Variants in MARCHF4 observed in about 807,000 individuals in gnomAD.
The protein encoded by MARCHF4 is membrane associated ring-CH-type finger 4.
In MARCHF4, 14 loss-of-function variants were observed where a neutral mutation model predicts 43.9. That is an observed-to-expected ratio of 0.32 (90% CI 0.21 to 0.50). MARCHF4 has a LOEUF of 0.50. Among genes scored for constraint, MARCHF4 ranks in the 20% least tolerant of loss-of-function variants. The pLI is 0.98. For synonymous variants in MARCHF4, 226 were observed against 213.3 expected, an observed-to-expected ratio of 1.06 and a Z score of -0.52; for missense variants, 468 against 536.7, an observed-to-expected ratio of 0.87 and a Z score of 1.27.
intron 3 of MARCHF4, among the ~76,000 whole-genome samples, chr2:216,266,784 C>G (rs1452188818): frequency 6.6e-6 from 1 of 152,104 alleles, no homozygotes; most frequent in African/African-American, 2.4e-5. Context: ...ATATAACCGG[C>G]TATTTTGGGT....
In MARCHF4 at chr2:216,297,636, C is replaced by T. The variant is rs568766755; in HGVS notation, c.517-13907G>A. 2.0e-5 allele frequency among the ~76,000 whole-genome samples: 3 copies of T among 152,344 alleles called. No homozygotes were observed. The South Asian group carries it at 6.2e-4, about 32-fold the overall frequency. On this transcript the variant is annotated intron_variant, in intron 1 of 3. Transcript: ENST00000273067. ...TCAAGCAATTCTTTTGCCTTAGCCTCCCACGTAGCTGGGATTACAGGCATG... is the reference window on the plus strand; with the variant it reads ...TCAAGCAATTCTTTTGCCTTAGCCTTCCACGTAGCTGGGATTACAGGCATG...
chr2:216,315,829 T>G (rs531835580), intron 1 of MARCHF4, among the ~76,000 whole-genome samples: 44 of 152,280 alleles, frequency 2.9e-4, no homozygotes, highest in African/African-American at 1.0e-3. Flanking sequence ...AAGAAAAAAT[T>G]AAGCTGTTTT....
At chr2:216,300,791 G>A (rs999471777) in intron 1 of MARCHF4, among the ~76,000 whole-genome samples, 1 of 152,048 alleles carries the variant, frequency 6.6e-6, no homozygotes, top group African/African-American at 2.4e-5. Flanking sequence ...CCAATGGTCT[G>A]GAATTTGAAG....
intron 1 of MARCHF4, among the ~76,000 whole-genome samples, chr2:216,291,847 A>C (rs1691311688): frequency 6.6e-6 from 1 of 152,238 alleles, no homozygotes; most frequent in Non-Finnish European, 1.5e-5. Context: ...TTATAGATGA[A>C]GATAGAGAGG....
intron 1 of MARCHF4, among the ~76,000 whole-genome samples, chr2:216,369,528 G>T (rs1692719115): frequency 6.6e-6 from 1 of 152,172 alleles, no homozygotes; most frequent in Non-Finnish European, 1.5e-5. Context: ...GAAGGAAAAT[G>T]CAAAACCTAG....
At chr2:216,315,654 A>G (rs1691761580) in intron 1 of MARCHF4, among the ~76,000 whole-genome samples, 1 of 152,244 alleles carries the variant, frequency 6.6e-6, no homozygotes. Flanking sequence ...AGCACTTTCA[A>G]TGGGACTGTA....
chr2:216,317,023 A>G (rs1362846632), intron 1 of MARCHF4, among the ~76,000 whole-genome samples: 2 of 151,874 alleles, frequency 1.3e-5, no homozygotes, highest in African/African-American at 2.4e-5. Context: ...AAGGATGAGC[A>G]CTCTCCAACC....
At chr2:216,277,177 A>G (rs1355535312) in intron 3 of MARCHF4, among the ~76,000 whole-genome samples, 1 of 152,100 alleles carries the variant, frequency 6.6e-6, no homozygotes, top group East Asian at 1.9e-4. Context: ...AAGCTGGAAA[A>G]CCACTGGACT....
intron 1 of MARCHF4, among the ~76,000 whole-genome samples, chr2:216,313,432 G>A (rs1691721770): frequency 6.6e-6 from 1 of 152,104 alleles, no homozygotes; most frequent in African/African-American, 2.4e-5. Context: ...TATTCCTAGT[G>A]TGCTACTTTC....
intron 1 of MARCHF4, among the ~76,000 whole-genome samples, chr2:216,354,756 G>C (rs1016398372): frequency 2.0e-5 from 3 of 152,202 alleles, no homozygotes; most frequent in Non-Finnish European, 4.4e-5. Flanking sequence ...CATTGAGCAA[G>C]ACTGGTGAAT....
chr2:216,264,724 GA>G (rs1314785031), intron 3 of MARCHF4, among the ~76,000 whole-genome samples: 9 of 152,222 alleles, frequency 5.9e-5, no homozygotes, highest in Non-Finnish European at 1.0e-4. Flanking sequence ...TTAGCTTCTT[GA>G]TCAGGCAATT....
intron 1 of MARCHF4, among the ~76,000 whole-genome samples, chr2:216,361,571 T>C (rs1454163221): frequency 6.6e-6 from 1 of 152,206 alleles, no homozygotes; most frequent in African/African-American, 2.4e-5. Context: ...AATAAAGATC[T>C]GTCAGGGACC....
intron 1 of MARCHF4, among the ~76,000 whole-genome samples, chr2:216,326,183 T>C (rs1417824990): frequency 6.6e-6 from 1 of 152,034 alleles, no homozygotes; most frequent in Non-Finnish European, 1.5e-5. Flanking sequence ...AAGAAGACAT[T>C]TATGCAGCCA....
At chr2:216,319,343 T>TACC (rs1001362331) in intron 1 of MARCHF4, among the ~76,000 whole-genome samples, 21 of 152,080 alleles carry the variant, frequency 1.4e-4, no homozygotes, top group African/African-American at 5.1e-4. Context: ...AACACAAATC[T>TACC]ACCACCACAG....
intron 1 of MARCHF4, among the ~76,000 whole-genome samples, chr2:216,301,266 A>C (rs113270363): frequency 6.6e-6 from 1 of 152,204 alleles, no homozygotes; most frequent in Non-Finnish European, 1.5e-5. Context: ...GGGCCTTCCC[A>C]GCTGCAACAC....
rs1031200383 is a variant in MARCHF4, at chr2:216,259,472, T to A, written c.1073A>T (p.Glu358Val). Residue 358 changes from glutamate (E) to valine (V), a missense_variant, in exon 4 of 4, where the codon GAG becomes GTG. By Grantham distance (121) the Glu-to-Val change is moderately radical. Transcript: ENST00000273067. ...GCCGGCAGCCTGGGCAGGGCCCTGC[T>A]CAGGGGCAGGGGTGCCTGCGGTCTC... Reference protein sequence around the residue: ...EEETAGTPAPEQGPAQAAGHP... With the variant: ...EEETAGTPAPVQGPAQAAGHP... 6.2e-7 allele frequency: 1 copy of A among 1,613,950 alleles called. No homozygotes were observed. Among genetic ancestry groups the A allele is most frequent in the Non-Finnish European group, 8.5e-7 (1 of 1,179,970 alleles).
intron 3 of MARCHF4, among the ~76,000 whole-genome samples, chr2:216,271,283 C>A (rs77876700): frequency 6.6e-6 from 1 of 152,220 alleles, no homozygotes; most frequent in Non-Finnish European, 1.5e-5. Flanking sequence ...CATGTCTCTG[C>A]ACCTCCATAC....
At chr2:216,325,623 T>C (rs189653336) in intron 1 of MARCHF4, among the ~76,000 whole-genome samples, 2,584 of 152,194 alleles carry the variant, frequency 0.017, 63 homozygotes, top group African/African-American at 0.058. Flanking sequence ...TATAGATCAA[T>C]GGAACAGAAC....
intron 3 of MARCHF4, among the ~76,000 whole-genome samples, chr2:216,276,971 AT>A (rs547740065): frequency 0.014 from 2,137 of 151,138 alleles, 56 homozygotes; most frequent in African/African-American, 0.049. Context: ...GTAGGTTCCA[AT>A]TTTTTTTTTC....
Sources: allele counts gnomAD v4.1 joint callset (sites outside exome capture counted in the v4.1 genomes callset), GRCh38; gene constraint gnomAD v4.1.1; transcripts MANE v1.5; gene names NCBI Gene and HGNC (gene_info 2026-07-23, HGNC 2026-07-21).